Variants in GPT observed in about 807,000 individuals in gnomAD.
GPT encodes glutamic--pyruvic transaminase.
In GPT, 60 loss-of-function variants were observed where a neutral mutation model predicts 51.4. The ratio of observed to expected loss-of-function variants is 1.17; its 90% CI spans 0.95 to 1.45. The LOEUF is 1.45. Ranked by LOEUF, GPT falls within the 40% of genes most tolerant of loss-of-function variation. GPT has a pLI of 0.00. For synonymous variants in GPT, 397 were observed against 303.1 expected, an observed-to-expected ratio of 1.31 and a Z score of -3.22; for missense variants, 853 against 704.0, an observed-to-expected ratio of 1.21 and a Z score of -2.40.
rs562959816 is a variant in GPT, at chr8:144,505,939, G to C, written c.819+12G>C. 7 of 1,610,918 alleles carry C rather than the reference G, an allele frequency of 4.3e-6. No homozygotes were observed. Among genetic ancestry groups the C allele is most frequent in the Admixed American group, 1.7e-5 (1 of 59,864 alleles). The stretch of plus-strand genomic sequence containing the variant: ...TGCTGGCGGACGAGGTGCGCGGCGC[G>C]GGGGAGCGGGAAGCCGGGCAACAGT... On this transcript the variant is annotated intron_variant, in intron 6 of 10. Coordinates refer to ENST00000394955, the MANE Select transcript of GPT (RefSeq NM_005309.3).
chr8:144,504,909 G>A (rs2130615446), intron 3 of GPT, 30 bp downstream of exon 3: 1 of 1,612,556 alleles, frequency 6.2e-7, no homozygotes, highest in African/African-American at 1.3e-5. Flanking sequence ...GGAAGCAGAG[G>A]GCCGCCCTGC....
At position 144,507,038 on chromosome 8, in the gene GPT, G is replaced by A. The variant is rs776459877; in HGVS notation, c.*38G>A. On this transcript the variant is annotated 3_prime_UTR_variant, in exon 11 of 11. Transcript: ENST00000394955. ...GGGCCAGGCTGGGTCGCCCTGGACT[G>A]TGTGCTCAGGAGCCCTGGGAGGCTC... 1.4e-6 allele frequency: 2 copies of A among 1,460,162 alleles called. No homozygotes were observed. Among genetic ancestry groups the A allele is most frequent in the South Asian group, 2.3e-5 (2 of 88,164 alleles). The allele number at this position is 1,460,162 out of a possible 1,614,324, so 90.5% of individuals were successfully genotyped here. A position where few individuals can be genotyped will look rare whatever the true frequency, so the allele number is the denominator to read the frequency against.
At position 144,506,914 on chromosome 8, in the gene GPT, A is replaced by G. The variant is rs200726053; in HGVS notation, c.1405A>G (p.Thr469Ala). Residue 469 changes from threonine (T) to alanine (A), a missense_variant, in exon 11 of 11, where the codon ACC becomes GCC. Coordinates refer to ENST00000394955, the MANE Select transcript of GPT (RefSeq NM_005309.3). The surrounding 1 kb of genome is among the most constrained non-coding windows in gnomAD (Gnocchi z 7.0). ...CTCACTGTCAACTCCTTTCAGGATG[A>G]CCATTCTGCCCCCCTTGGAGAAACT... ...QREGTYHFRM[T>A]ILPPLEKLRL... 1 of 1,612,764 alleles carries G rather than the reference A, an allele frequency of 6.2e-7. No homozygotes were observed. The highest frequency in any genetic ancestry group is 1.6e-4 in the Middle Eastern group (1 of 6,062).
At chr8:144,504,550 G>C in intron 1 of GPT, 54 bp from the exon 2 acceptor site, 1 of 1,610,096 alleles carries the variant, frequency 6.2e-7, no homozygotes, top group Non-Finnish European at 8.5e-7. Flanking sequence ...ATGGGACAAG[G>C]GCTGAGGGGT....
chr8:144,505,782 G>A, intron 5 of GPT, 66 bp from the exon 6 acceptor site: 1 of 1,452,488 alleles, frequency 6.9e-7, no homozygotes, highest in South Asian at 1.2e-5. Context: ...CTGGACCCCG[G>A]CTGCCCAGCG....
upstream of GPT, chr8:144,503,966 C>T: frequency 2.4e-6 from 1 of 417,944 alleles, no homozygotes; most frequent in Non-Finnish European, 4.5e-6. Context: ...ACCTACCCCC[C>T]ATGTGGGTCT....
In GPT at chr8:144,505,433, C is replaced by A; in HGVS notation, c.683C>A (p.Ala228Glu). ...GAGCTTCACCGTGCACTGGGCCAGG[C>A]GCGTGACCACTGCCGCCCTCGTGCG... ...VAELHRALGQ[A>E]RDHCRPRALC... The change falls in exon 5 of 11, where the codon GCG becomes GAG. Residue 228 changes from alanine (A) to glutamate (E), a missense_variant. Physicochemically the swap from Ala to Glu is moderately radical, Grantham distance 107 (BLOSUM62 -1). Transcript: ENST00000394955. 2 of 1,600,116 alleles carry A rather than the reference C, an allele frequency of 1.2e-6. No individual in the cohort carries two copies. The highest frequency in any genetic ancestry group is 1.7e-6 in the Non-Finnish European group (2 of 1,175,530).
chr8:144,503,231 G>A (rs1826619332), upstream of GPT: 1 of 152,196 alleles, frequency 6.6e-6, no homozygotes, highest in Non-Finnish European at 1.5e-5. Context: ...GTTGCCCACA[G>A]CCCTGCTCAG....
rs764126314 is a variant in GPT, at chr8:144,506,698, G to A, written c.1288-33G>A. The stretch of plus-strand genomic sequence containing the variant: ...GCCTGCGGGGTGGGCAGGGGGGGCC[G>A]GGCATCCCTCTCTGACGGCTCTCCG... On this transcript the variant is annotated intron_variant, in intron 9 of 10. Transcript: ENST00000394955. The surrounding 1 kb of genome is among the most constrained non-coding windows in gnomAD (Gnocchi z 7.0). 8.7e-6 allele frequency: 14 copies of A among 1,601,266 alleles called. No individual in the cohort carries two copies. Among genetic ancestry groups the A allele is most frequent in the Middle Eastern group, 3.9e-4 (2 of 5,134 alleles).
chr8:144,506,614 C>A lies in GPT; in HGVS notation c.1245C>A (p.Phe415Leu). The part of the protein sequence containing the change: ...CNPVQGAMYS[F>L]PRVQLPPRAV... Reference sequence around the variant, plus strand: ...CAGTGCAGGGCGCCATGTACTCCTTCCCGCGCGTGCAGCTGCCCCCGCGGG... The same window carrying A: ...CAGTGCAGGGCGCCATGTACTCCTTACCGCGCGTGCAGCTGCCCCCGCGGG... The change falls in exon 9 of 11, where the codon TTC becomes TTA. Residue 415 changes from phenylalanine to leucine, a missense_variant. Physicochemically the swap from Phe to Leu is conservative, Grantham distance 22. Coordinates refer to ENST00000394955, the MANE Select transcript of GPT (RefSeq NM_005309.3). This position sits in a 1 kb window ranked among gnomAD's most constrained non-coding sequence, Gnocchi z 7.0. 6.4e-7 allele frequency: 1 copy of A among 1,561,744 alleles called. No individual in the cohort carries two copies. The highest frequency in any genetic ancestry group is 8.7e-7 in the Non-Finnish European group (1 of 1,153,032).
chr8:144,506,877 C>T lies in GPT; in HGVS notation c.1401-33C>T. ...TGGCCCTCACTCCCTGTCCCGCCAC[C>T]CTGGCCCTTCACTCACTGTCAACTC... is the stretch of plus-strand genomic sequence containing the variant. On this transcript the variant is annotated intron_variant, in intron 10 of 10. Coordinates refer to ENST00000394955, the MANE Select transcript of GPT (RefSeq NM_005309.3). The surrounding 1 kb of genome is among the most constrained non-coding windows in gnomAD (Gnocchi z 7.0). 3 of 1,611,888 alleles carry T rather than the reference C, an allele frequency of 1.9e-6. No homozygotes were observed. The highest frequency in any genetic ancestry group is 2.5e-6 in the Non-Finnish European group (3 of 1,178,996).
In GPT at chr8:144,506,568, C is replaced by G. The variant is rs1379453991; in HGVS notation, c.1199C>G (p.Ala400Gly). 6.3e-7 allele frequency: 1 copy of G among 1,582,834 alleles called. No individual in the cohort carries two copies. The highest frequency in any genetic ancestry group is 2.3e-5 in the East Asian group (1 of 43,688). ...CTCACCGAGCAGGTCTTCAATGAGGCTCCTGGCATCAGCTGCAACCCAGTG... is the reference window on the plus strand; with the variant it reads ...CTCACCGAGCAGGTCTTCAATGAGGGTCCTGGCATCAGCTGCAACCCAGTG... ...AKLTEQVFNE[A>G]PGISCNPVQG... The change falls in exon 9 of 11, where the codon GCT becomes GGT. Residue 400 changes from alanine to glycine, a missense_variant. By Grantham distance (60) the Ala-to-Gly change is moderately conservative. Transcript: ENST00000394955. The surrounding 1 kb of genome is among the most constrained non-coding windows in gnomAD (Gnocchi z 7.0).
In GPT at chr8:144,504,385, C is replaced by A. The variant is rs553841622; in HGVS notation, c.81C>A (p.Asn27Lys). ...AGGTGCTGACGCTGGACGGCATGAA[C>A]CCGCGTGTGCGGAGAGTGGAGTACG... ...RAKVLTLDGM[N>K]PRVRRVEYAV... Residue 27 changes from asparagine to lysine, a missense_variant, in exon 1 of 11, where the codon AAC becomes AAA. By Grantham distance (94) the Asn-to-Lys change is moderately conservative. Transcript: ENST00000394955. The A allele has an allele frequency of 1.9e-6, 3 of 1,611,758 alleles. No individual in the cohort carries two copies. Among genetic ancestry groups the A allele is most frequent in the Admixed American group, 1.7e-5 (1 of 60,006 alleles).
chr8:144,506,650 C>A lies in GPT; in HGVS notation c.1281C>A (p.Arg427=). ...AGCTGCCCCCGCGGGCGGTGGAGCG[C>A]GCTCAGGTCAGGCGGGGGCGGGGCC... ...RVQLPPRAVE[R]AQELGLAPDM... Residue 427 remains arginine (R), a synonymous_variant, in exon 9 of 11, where the codon CGC becomes CGA. Coordinates refer to ENST00000394955, the MANE Select transcript of GPT (RefSeq NM_005309.3). This position sits in a 1 kb window ranked among gnomAD's most constrained non-coding sequence, Gnocchi z 7.0. The A allele has an allele frequency of 6.5e-7, 1 of 1,549,710 alleles. No homozygotes were observed. Among genetic ancestry groups the A allele is most frequent in the Non-Finnish European group, 8.7e-7 (1 of 1,146,438 alleles).
intron 1 of GPT, 49 bp downstream of exon 1, chr8:144,504,515 G>C: frequency 6.2e-7 from 1 of 1,608,414 alleles, no homozygotes; most frequent in East Asian, 2.2e-5. Flanking sequence ...TGGGGTGGCC[G>C]AGTTGGCCCC....
chr8:144,505,997 G>A lies in GPT; in HGVS notation c.822G>A (p.Val274=). ...CGTGACGCCTTGCGCCCTTCCAGGT[G>A]TACCAGGACAACGTGTACGCCGCGG... ...EERLFLLADE[V]YQDNVYAAGS... is the part of the protein sequence containing the mutation. The change falls in exon 7 of 11, where the codon GTG becomes GTA. Residue 274 remains valine, a splice_region_variant and synonymous_variant. Coordinates refer to ENST00000394955, the MANE Select transcript of GPT (RefSeq NM_005309.3). 1 of 1,612,396 alleles carries A rather than the reference G, an allele frequency of 6.2e-7. No homozygotes were observed. The highest frequency in any genetic ancestry group is 2.2e-5 in the East Asian group (1 of 44,862).
chr8:144,506,548 C>T lies in GPT; in HGVS notation c.1179C>T (p.Thr393=), dbSNP rs777058322. 2.3e-5 allele frequency: 37 copies of T among 1,591,566 alleles called. No individual in the cohort carries two copies. In the Admixed American group the frequency reaches 4.2e-4, roughly 18 times the overall value. The part of the protein sequence containing the change: ...LAELAAKAKL[T]EQVFNEAPGI... ...AGCTGGCGGCCAAGGCCAAGCTCAC[C>T]GAGCAGGTCTTCAATGAGGCTCCTG... The change falls in exon 9 of 11, where the codon ACC becomes ACT. Residue 393 remains threonine, a synonymous_variant. Transcript: ENST00000394955. This position sits in a 1 kb window ranked among gnomAD's most constrained non-coding sequence, Gnocchi z 7.0.
upstream of GPT, among the ~76,000 whole-genome samples, chr8:144,503,371 T>C (rs1586770493): frequency 6.6e-6 from 1 of 152,284 alleles, no homozygotes; most frequent in South Asian, 2.1e-4. Context: ...CCAGCTCGTT[T>C]CCTACTCTCT....
chr8:144,505,173 AG>A (rs753222214), intron 4 of GPT, 42 bp downstream of exon 4: 2 of 1,612,626 alleles, frequency 1.2e-6, no homozygotes, highest in African/African-American at 2.7e-5. Flanking sequence ...GACACTGCAG[AG>A]GGGGCGCCCA....
Sources: allele counts gnomAD v4.1 joint callset (sites outside exome capture counted in the v4.1 genomes callset), GRCh38; gene constraint gnomAD v4.1.1; non-coding constraint Gnocchi (gnomAD v3.1); transcripts MANE v1.5; gene names NCBI Gene and HGNC (gene_info 2026-07-23, HGNC 2026-07-21).